The following PDE1A variants were observed in gnomAD, a reference collection of about 807,000 sequenced individuals.
The protein encoded by PDE1A is phosphodiesterase 1A, also known as dual specificity calcium/calmodulin-dependent 3',5'-cyclic nucleotide phosphodiesterase 1A.
A neutral mutation model predicts 61.7 loss-of-function variants in PDE1A; 35 were observed. The observed-to-expected ratio is 0.57, with a 90% CI of 0.43 to 0.75. The LOEUF is 0.75. PDE1A is among the 30% of genes least tolerant of loss of function. The pLI, the probability that PDE1A is intolerant of heterozygous loss-of-function variation, is 0.00. For missense variants in PDE1A, 597 were observed against 630.6 expected, an observed-to-expected ratio of 0.95 and a Z score of 0.57; for synonymous variants, 232 against 213.2, an observed-to-expected ratio of 1.09 and a Z score of -0.77.
At chr2:182,185,732 GCC>G in intron 13 of PDE1A, 158 bp downstream of exon 13, 1 of 1,373,144 alleles carries the variant, frequency 7.3e-7, no homozygotes, top group Non-Finnish European at 9.8e-7. Flanking sequence ...TAATAAATGA[GCC>G]AACTTTCTCA....
At chr2:182,320,142 T>A (rs1039933361) in intron 1 of PDE1A, among the ~76,000 whole-genome samples, 2 of 152,204 alleles carry the variant, frequency 1.3e-5, no homozygotes, top group Non-Finnish European at 2.9e-5. Flanking sequence ...ATGAATATTC[T>A]AAGTAATGCA....
chr2:182,422,161 G>A (rs1703320551), intron 1 of PDE1A, among the ~76,000 whole-genome samples: 1 of 152,082 alleles, frequency 6.6e-6, no homozygotes, highest in South Asian at 2.1e-4. Flanking sequence ...GGCCTAATAA[G>A]GAACTATTTG....
intron 1 of PDE1A, among the ~76,000 whole-genome samples, chr2:182,296,453 A>G (rs1264774950): frequency 1.3e-5 from 2 of 152,218 alleles, no homozygotes; most frequent in African/African-American, 4.8e-5. Context: ...TCCTACTCAT[A>G]GATAGATGAT....
At chr2:182,330,258 C>T (rs1371316339) in intron 1 of PDE1A, among the ~76,000 whole-genome samples, 3 of 151,738 alleles carry the variant, frequency 2.0e-5, no homozygotes, top group African/African-American at 7.3e-5. Context: ...GCAGGAGAAT[C>T]ACTTGAACCT....
rs566107033 is a variant in PDE1A at position 182,388,993 on chromosome 2, G to A, written c.53+37585C>T. Among the ~76,000 whole-genome samples the A allele has an allele frequency of 2.0e-5, 3 of 152,184 alleles. No homozygotes were observed. In the South Asian group the frequency reaches 6.2e-4, roughly 32 times the overall value. On this transcript the variant is annotated intron_variant, in intron 1 of 13. Transcript: ENST00000351439. The stretch of plus-strand genomic sequence containing the variant: ...AGCAGACATACAATGCATCATGAGA[G>A]ACTACTATGAACAATTGTAAAAGAG...
chr2:182,407,388 T>A (rs1702360528), intron 1 of PDE1A, among the ~76,000 whole-genome samples: 1 of 152,174 alleles, frequency 6.6e-6, no homozygotes, highest in Non-Finnish European at 1.5e-5. Context: ...TATTATTTTT[T>A]TTTTATTTTT....
intron 2 of PDE1A, among the ~76,000 whole-genome samples, chr2:182,506,245 T>C (rs1559523812): frequency 6.6e-6 from 1 of 152,222 alleles, no homozygotes. Context: ...ATTCTTTTTT[T>C]CTCCTGTTTC....
chr2:182,276,508 T>C (rs997650778), intron 1 of PDE1A, among the ~76,000 whole-genome samples: 1 of 152,102 alleles, frequency 6.6e-6, no homozygotes, highest in African/African-American at 2.4e-5. Flanking sequence ...TTTAATCTCT[T>C]AATCCTGTTA....
intron 2 of PDE1A, among the ~76,000 whole-genome samples, chr2:182,246,394 C>CTTTT (rs772600912): frequency 2.8e-5 from 3 of 105,364 alleles, no homozygotes; most frequent in Non-Finnish European, 5.8e-5. Flanking sequence ...AGTCTTTTTT[C>CTTTT]TTTTTTCTTT....
intron 1 of PDE1A, among the ~76,000 whole-genome samples, chr2:182,318,527 A>G (rs529821797): frequency 6.6e-6 from 1 of 152,272 alleles, no homozygotes; most frequent in South Asian, 2.1e-4. Flanking sequence ...CATTGTTAGG[A>G]GGTGCTAAGG....
In PDE1A at chr2:182,378,821, C is replaced by G. The variant is rs550608340; in HGVS notation, c.53+47757G>C. Among the ~76,000 whole-genome samples the G allele has an allele frequency of 2.6e-5, 4 of 152,260 alleles. No homozygotes were observed. In the East Asian group the frequency reaches 5.8e-4, roughly 22 times the overall value. On this transcript the variant is annotated intron_variant, in intron 1 of 13. Transcript: ENST00000351439. ...GTCAGAACTACACTACTATGAAAAT[C>G]CTGCTGTTTTGTTATTACAGCTTTT...
At chr2:182,554,003 A>AG in the PDE1A span, among the ~76,000 whole-genome samples, 1 of 152,168 alleles carries the variant, frequency 6.6e-6, no homozygotes, top group Non-Finnish European at 1.5e-5. Flanking sequence ...TGTTTTAGGC[A>AG]GGGGGGTTAC....
At chr2:182,629,709 C>T in the PDE1A span, among the ~76,000 whole-genome samples, 1 of 152,142 alleles carries the variant, frequency 6.6e-6, no homozygotes, top group Non-Finnish European at 1.5e-5. Flanking sequence ...ATTATGTATA[C>T]ATGTTCATTG....
upstream of PDE1A, among the ~76,000 whole-genome samples, chr2:182,524,516 T>C (rs1690737621): frequency 6.6e-6 from 1 of 152,110 alleles, no homozygotes; most frequent in South Asian, 2.1e-4. Flanking sequence ...CTATCACACA[T>C]TGATATTTAA....
intron 2 of PDE1A, among the ~76,000 whole-genome samples, chr2:182,240,886 TAA>T (rs1201601558): frequency 6.6e-6 from 1 of 151,866 alleles, no homozygotes; most frequent in Non-Finnish European, 1.5e-5. Flanking sequence ...TCACAGATTT[TAA>T]AAGTGAAAAA....
chr2:182,193,281 T>C (rs527957684), intron 10 of PDE1A, among the ~76,000 whole-genome samples: 1 of 152,204 alleles, frequency 6.6e-6, no homozygotes, highest in Non-Finnish European at 1.5e-5. Context: ...CCACCGCGCC[T>C]GGCCAGTTTT....
intron 2 of PDE1A, among the ~76,000 whole-genome samples, chr2:182,473,367 G>A (rs977878002): frequency 1.1e-4 from 16 of 151,772 alleles, no homozygotes; most frequent in Admixed American, 3.3e-4. Flanking sequence ...GAAAATTTTC[G>A]CAACCCACTC....
At chr2:182,452,334 C>T (rs866490241) in intron 2 of PDE1A, among the ~76,000 whole-genome samples, 1 of 152,104 alleles carries the variant, frequency 6.6e-6, no homozygotes, top group Non-Finnish European at 1.5e-5. Context: ...GCATATTTTA[C>T]ATGCACCTGA....
the PDE1A span, among the ~76,000 whole-genome samples, chr2:182,573,281 T>C: frequency 1.3e-5 from 2 of 152,132 alleles, no homozygotes; most frequent in Non-Finnish European, 2.9e-5. Flanking sequence ...ACATCACTGA[T>C]CCTGTCAAAA....
Sources: gnomAD v4.1 joint callset for allele counts (sites outside exome capture counted in the v4.1 genomes callset) on GRCh38, gnomAD v4.1.1 for gene constraint, MANE v1.5 for transcripts, NCBI Gene and HGNC (gene_info 2026-07-23, HGNC 2026-07-21) for gene names.